ARHGAP39: variants seen among roughly 807,000 people sequenced by gnomAD.
The protein encoded by ARHGAP39 is rho GTPase-activating protein 39.
In ARHGAP39, 44 loss-of-function variants were observed where a neutral mutation model predicts 106.9. The observed-to-expected ratio is 0.41, with a 90% CI of 0.32 to 0.53. The LOEUF (loss-of-function observed/expected upper bound fraction) is 0.53, where lower values mean the gene tolerates loss of function less well. ARHGAP39 is among the 20% of genes least tolerant of loss of function. The pLI, the probability that ARHGAP39 is intolerant of heterozygous loss-of-function variation, is 0.21. For missense variants in ARHGAP39, 1,496 were observed against 1,577.3 expected (o/e 0.95, Z 0.87); for synonymous variants, 768 against 693.2 (o/e 1.11, Z -1.69).
At chr8:144,637,186 T>C (rs1453666970) in intron 1 of ARHGAP39, among the ~76,000 whole-genome samples, 1 of 152,280 alleles carries the variant, frequency 6.6e-6, no homozygotes, top group Non-Finnish European at 1.5e-5. Flanking sequence ...CTGGACTCTC[T>C]AGACTGGTCC....
the ARHGAP39 span, among the ~76,000 whole-genome samples, chr8:144,699,822 G>A: frequency 6.6e-6 from 1 of 152,128 alleles, no homozygotes; most frequent in South Asian, 2.1e-4. Flanking sequence ...CCCAGTCACA[G>A]CGCCTTCCTC....
intron 1 of ARHGAP39, among the ~76,000 whole-genome samples, chr8:144,657,511 T>C (rs2129671098): frequency 6.6e-6 from 1 of 152,312 alleles, no homozygotes; most frequent in South Asian, 2.1e-4. Context: ...AACTATATGC[T>C]GATCTCAAAA....
At chr8:144,546,062 C>A (rs2130839934) in intron 5 of ARHGAP39, among the ~76,000 whole-genome samples, 1 of 152,312 alleles carries the variant, frequency 6.6e-6, no homozygotes, top group South Asian at 2.1e-4. Context: ...ATGGGTGACC[C>A]AGGTGACCTG....
chr8:144,590,113 T>C (rs1410994028), intron 2 of ARHGAP39, among the ~76,000 whole-genome samples: 1 of 152,218 alleles, frequency 6.6e-6, no homozygotes, highest in Non-Finnish European at 1.5e-5. Flanking sequence ...ACATGGCACG[T>C]GGGACAGAGG....
intron 3 of ARHGAP39, among the ~76,000 whole-genome samples, chr8:144,569,239 T>C (rs954043055): frequency 6.6e-6 from 1 of 152,206 alleles, no homozygotes; most frequent in Non-Finnish European, 1.5e-5. Flanking sequence ...GACTGATTCA[T>C]CAGGAGCACA....
intron 4 of ARHGAP39, among the ~76,000 whole-genome samples, chr8:144,549,099 T>C (rs1817598519): frequency 6.6e-6 from 1 of 152,232 alleles, no homozygotes; most frequent in South Asian, 2.1e-4. Flanking sequence ...GCTGTCTGCG[T>C]CCTCACCAGT....
At chr8:144,583,969 TA>T (rs1371550499) in intron 2 of ARHGAP39, 1 of 152,260 alleles carries the variant, frequency 6.6e-6, no homozygotes, top group Non-Finnish European at 1.5e-5. Flanking sequence ...CTCAAGGGGA[TA>T]AACGGTATCT....
In ARHGAP39 at chr8:144,679,597, C is replaced by G. The variant is rs1273452691; in HGVS notation, c.-82+6089G>C. Among the ~76,000 whole-genome samples, 1 of 152,232 alleles carries G rather than the reference C, an allele frequency of 6.6e-6. No homozygotes were observed. Among genetic ancestry groups the G allele is most frequent in the South Asian group, 2.1e-4 (1 of 4,834 alleles). On this transcript the variant is annotated intron_variant, in intron 1 of 11. Transcript: ENST00000377307. This position sits in a 1 kb window ranked among gnomAD's most constrained non-coding sequence, Gnocchi z 4.7. ...TTTCTTCCTTCACCAACCCATCCTA[C>G]AGAACATTGCCAATTAAATCTCCCT...
chr8:144,657,856 G>A (rs1268979246), intron 1 of ARHGAP39, among the ~76,000 whole-genome samples: 2 of 152,146 alleles, frequency 1.3e-5, no homozygotes, highest in East Asian at 1.9e-4. Context: ...GATAAAAGGT[G>A]CATGTCTAAA....
Position 144,644,849 on chromosome 8 carries a change from C to A in ARHGAP39, c.-81-39154G>T, listed in dbSNP as rs1821403436. The stretch of plus-strand genomic sequence containing the variant: ...CCTGTACCTTCACCCTACACCTGAG[C>A]CCCTTCCTCAGGAGCTGTGCTGCCT... On this transcript the variant is annotated intron_variant, in intron 1 of 11. Coordinates refer to ENST00000377307, the MANE Select transcript of ARHGAP39 (RefSeq NM_025251.3). The surrounding 1 kb of genome is among the most constrained non-coding windows in gnomAD (Gnocchi z 4.8). Among the ~76,000 whole-genome samples the A allele has an allele frequency of 6.6e-6, 1 of 152,254 alleles. No individual in the cohort carries two copies. The highest frequency in any genetic ancestry group is 2.4e-5 in the African/African-American group (1 of 41,460).
At position 144,684,232 on chromosome 8, in the gene ARHGAP39, G is replaced by A. The variant is rs1269527752; in HGVS notation, c.-82+1454C>T. 6.6e-6 allele frequency among the ~76,000 whole-genome samples: 1 copy of A among 152,210 alleles called. No homozygotes were observed. The highest frequency in any genetic ancestry group is 1.5e-5 in the Non-Finnish European group (1 of 68,040). ...CCAAGCATTTATGGCTACAGAGCCTGCGCCCAGGGCGGTTTATGGAATGAG... is the reference window on the plus strand; with the variant it reads ...CCAAGCATTTATGGCTACAGAGCCTACGCCCAGGGCGGTTTATGGAATGAG... On this transcript the variant is annotated intron_variant, in intron 1 of 11. Coordinates refer to ENST00000377307, the MANE Select transcript of ARHGAP39 (RefSeq NM_025251.3). This position sits in a 1 kb window ranked among gnomAD's most constrained non-coding sequence, Gnocchi z 4.4.
intron 1 of ARHGAP39, among the ~76,000 whole-genome samples, chr8:144,620,188 C>G (rs1365186292): frequency 8.0e-6 from 1 of 125,324 alleles, no homozygotes; most frequent in Non-Finnish European, 1.7e-5. Context: ...CCTGAGAGAG[C>G]GTGTGTGCCC....
intron 1 of ARHGAP39, among the ~76,000 whole-genome samples, chr8:144,672,114 G>A (rs1450539706): frequency 2.0e-5 from 3 of 152,210 alleles, no homozygotes; most frequent in Middle Eastern, 3.2e-3. Flanking sequence ...TCCACAGCAC[G>A]CCTGAATTCT....
At chr8:144,695,896 A>C in the ARHGAP39 span, among the ~76,000 whole-genome samples, 1 of 152,106 alleles carries the variant, frequency 6.6e-6, no homozygotes, top group Non-Finnish European at 1.5e-5. Flanking sequence ...ATGTGCTGGG[A>C]GTCAGCTTGC....
intron 1 of ARHGAP39, among the ~76,000 whole-genome samples, chr8:144,666,085 G>A (rs1360442241): frequency 6.6e-6 from 1 of 152,206 alleles, no homozygotes; most frequent in Non-Finnish European, 1.5e-5. Flanking sequence ...GTGAAACCTG[G>A]GGTCAAAGGA....
intron 2 of ARHGAP39, among the ~76,000 whole-genome samples, chr8:144,603,092 CGA>C (rs1820127051): frequency 8.2e-6 from 1 of 121,314 alleles, no homozygotes; most frequent in Non-Finnish European, 1.7e-5. Context: ...GGTGTGTGCG[CGA>C]GCTCATGTAT....
the ARHGAP39 span, among the ~76,000 whole-genome samples, chr8:144,696,314 T>C: frequency 6.6e-6 from 1 of 152,110 alleles, no homozygotes; most frequent in Non-Finnish European, 1.5e-5. Flanking sequence ...AATTTTTGTA[T>C]GTTTAGTAGA....
rs1047493250 is a variant in ARHGAP39 at position 144,586,025 on chromosome 8, C to A, written c.81-4748G>T. Among the ~76,000 whole-genome samples the A allele has an allele frequency of 6.6e-6, 1 of 152,186 alleles. No individual in the cohort carries two copies. The highest frequency in any genetic ancestry group is 1.9e-4 in the East Asian group (1 of 5,186). On this transcript the variant is annotated intron_variant, in intron 2 of 11. Coordinates refer to ENST00000377307, the MANE Select transcript of ARHGAP39 (RefSeq NM_025251.3). The surrounding 1 kb of genome is among the most constrained non-coding windows in gnomAD (Gnocchi z 4.2). ...ACAGAGTCTTGCTCTGTCACCCAGG[C>A]TGGAGTGCAGTGGTGTGATCTCAGC...
chr8:144,684,456 G>A lies in ARHGAP39; in HGVS notation c.-82+1230C>T, dbSNP rs768986659. 6.6e-6 allele frequency among the ~76,000 whole-genome samples: 1 copy of A among 152,206 alleles called. No individual in the cohort carries two copies. Among genetic ancestry groups the A allele is most frequent in the South Asian group, 2.1e-4 (1 of 4,834 alleles). ...CGTATTGTTGTACCAGGAGGCACGAGAAGCCTCACCACTGTAGGTTTTTCA... is the reference window on the plus strand; with the variant it reads ...CGTATTGTTGTACCAGGAGGCACGAAAAGCCTCACCACTGTAGGTTTTTCA... On this transcript the variant is annotated intron_variant, in intron 1 of 11. Transcript: ENST00000377307. This position sits in a 1 kb window ranked among gnomAD's most constrained non-coding sequence, Gnocchi z 4.4.
Sources: gnomAD v4.1 joint callset for allele counts (sites outside exome capture counted in the v4.1 genomes callset) on GRCh38, gnomAD v4.1.1 for gene constraint, Gnocchi (gnomAD v3.1) non-coding constraint, MANE v1.5 for transcripts, NCBI Gene and HGNC (gene_info 2026-07-23, HGNC 2026-07-21) for gene names.